The following DCC variants were observed in gnomAD, a reference collection of about 807,000 sequenced individuals.
DCC encodes the protein netrin receptor DCC.
Under a neutral mutation model 172.5 loss-of-function variants are expected in DCC, and 58 were observed. The ratio of observed to expected loss-of-function variants is 0.34; its 90% confidence interval spans 0.27 to 0.42. The LOEUF is 0.42. DCC is among the 10% of genes least tolerant of loss of function. The pLI is 1.00. For synonymous variants in DCC, 709 were observed against 644.5 expected, an observed-to-expected ratio of 1.10 and a Z score of -1.52; for missense variants, 1,740 against 1,791.0, an observed-to-expected ratio of 0.97 and a Z score of 0.51.
At chr18:52,719,858 A>G (rs2036446379) in intron 1 of DCC, among the ~76,000 whole-genome samples, 1 of 152,116 alleles carries the variant, frequency 6.6e-6, no homozygotes, top group Non-Finnish European at 1.5e-5. Context: ...TGGCTAGGAT[A>G]CAGTGAGCAA....
At chr18:52,377,142 T>G (rs1985382982) in intron 1 of DCC, among the ~76,000 whole-genome samples, 1 of 152,182 alleles carries the variant, frequency 6.6e-6, no homozygotes, top group Non-Finnish European at 1.5e-5. Flanking sequence ...AGTGCTTAAC[T>G]TCAGCTTTTT....
intron 5 of DCC, among the ~76,000 whole-genome samples, chr18:52,996,601 CTGA>C (rs2041483740): frequency 6.6e-6 from 1 of 151,952 alleles, no homozygotes; most frequent in Non-Finnish European, 1.5e-5. Flanking sequence ...GTTGCAGTCA[CTGA>C]TAATTGCTAT....
intron 14 of DCC, among the ~76,000 whole-genome samples, chr18:53,329,006 G>C (rs185644402): frequency 1.4e-4 from 21 of 152,284 alleles, no homozygotes; most frequent in African/African-American, 4.6e-4. Flanking sequence ...CAAAAGGAGA[G>C]TGTACATTCA....
intron 1 of DCC, among the ~76,000 whole-genome samples, chr18:52,483,612 G>A (rs1479089636): frequency 1.3e-5 from 2 of 152,006 alleles, no homozygotes; most frequent in Non-Finnish European, 2.9e-5. Context: ...TTTCATGTCA[G>A]ACCCTTTTTA....
At chr18:52,793,100 GGT>G (rs2037807465) in intron 2 of DCC, among the ~76,000 whole-genome samples, 1 of 152,178 alleles carries the variant, frequency 6.6e-6, no homozygotes, top group South Asian at 2.1e-4. Flanking sequence ...GGTTGGAGAA[GGT>G]GGTGTCTGAT....
intron 1 of DCC, among the ~76,000 whole-genome samples, chr18:52,716,334 T>G (rs951493819): frequency 1.9e-4 from 29 of 152,198 alleles, no homozygotes; most frequent in Admixed American, 1.9e-3. Context: ...GCAACACAAT[T>G]CTGAAACTGT....
chr18:52,893,661 T>C (rs2039685862), intron 2 of DCC, among the ~76,000 whole-genome samples: 1 of 152,164 alleles, frequency 6.6e-6, no homozygotes, highest in Non-Finnish European at 1.5e-5. Context: ...GAAGATTGAA[T>C]CATTTTCTGA....
intron 1 of DCC, among the ~76,000 whole-genome samples, chr18:52,636,844 A>C (rs531469236): frequency 6.6e-6 from 1 of 152,180 alleles, no homozygotes; most frequent in South Asian, 2.1e-4. Flanking sequence ...GGAAAGCGCC[A>C]CCTCCTGGCA....
intron 2 of DCC, among the ~76,000 whole-genome samples, chr18:52,766,736 G>A (rs145380537): frequency 6.1e-4 from 93 of 152,062 alleles, no homozygotes; most frequent in Non-Finnish European, 1.0e-3. Context: ...GATGAGATGC[G>A]GTGGGGCCAT....
At chr18:53,204,816 A>T (rs2055599718) in intron 9 of DCC, among the ~76,000 whole-genome samples, 1 of 152,142 alleles carries the variant, frequency 6.6e-6, no homozygotes, top group African/African-American at 2.4e-5. Flanking sequence ...CATAATATAC[A>T]AGTACTCCAA....
rs551777543 is a variant in DCC at position 53,257,395 on chromosome 18, C to G, written c.1911+41798C>G. 1.6e-4 allele frequency among the ~76,000 whole-genome samples: 25 copies of G among 152,312 alleles called. No homozygotes were observed. In the South Asian group the frequency reaches 4.8e-3, roughly 29 times the overall value. ...ATTTTGAGATACATCCCATCAATAACTAATTTATTGAGAATTTTTAGCATG... is the reference window on the plus strand; with the variant it reads ...ATTTTGAGATACATCCCATCAATAAGTAATTTATTGAGAATTTTTAGCATG... On this transcript the variant is annotated intron_variant, in intron 12 of 28. Coordinates refer to ENST00000442544, the MANE Select transcript of DCC (RefSeq NM_005215.4).
chr18:53,069,604 A>G (rs1176889898), intron 7 of DCC, among the ~76,000 whole-genome samples: 1 of 148,924 alleles, frequency 6.7e-6, no homozygotes, highest in African/African-American at 2.6e-5. Context: ...GAACTCACAG[A>G]ACTGCTCCAC....
At chr18:52,760,027 T>C (rs1340155361) in intron 2 of DCC, among the ~76,000 whole-genome samples, 1 of 152,188 alleles carries the variant, frequency 6.6e-6, no homozygotes, top group Admixed American at 6.5e-5. Flanking sequence ...TGTCTGCACC[T>C]CTGTATGATA....
intron 10 of DCC, among the ~76,000 whole-genome samples, chr18:53,206,765 A>C (rs1329407700): frequency 6.6e-6 from 1 of 150,628 alleles, no homozygotes; most frequent in East Asian, 1.9e-4. Context: ...TCAATAGTTA[A>C]ATCAAAAATT....
At chr18:52,873,430 G>C (rs2039353036) in intron 2 of DCC, among the ~76,000 whole-genome samples, 1 of 152,156 alleles carries the variant, frequency 6.6e-6, no homozygotes, top group South Asian at 2.1e-4. Flanking sequence ...CCTATGACAT[G>C]AAAATGGACT....
At chr18:53,434,273 C>T (rs1911805079) in intron 21 of DCC, among the ~76,000 whole-genome samples, 1 of 152,096 alleles carries the variant, frequency 6.6e-6, no homozygotes, top group Non-Finnish European at 1.5e-5. Context: ...ATTACCTATA[C>T]TCTGGTCTTT....
In DCC at chr18:52,413,819, G is replaced by A. The variant is rs1038359132; in HGVS notation, c.91+72941G>A. 3.3e-5 allele frequency among the ~76,000 whole-genome samples: 5 copies of A among 152,162 alleles called. No homozygotes were observed. In the South Asian group the frequency reaches 6.2e-4, roughly 19 times the overall value. ...CTGAGAGAAATGTTTGTGAGTTTCG[G>A]TGTCTTTTCTCTTTAGAAAAATACT... On this transcript the variant is annotated intron_variant, in intron 1 of 28. Coordinates refer to ENST00000442544, the MANE Select transcript of DCC (RefSeq NM_005215.4).
chr18:53,119,501 G>C (rs375986060), intron 7 of DCC, among the ~76,000 whole-genome samples: 1 of 151,768 alleles, frequency 6.6e-6, no homozygotes, highest in Admixed American at 6.6e-5. Flanking sequence ...GGCCACTCTT[G>C]TAGAAATTAG....
intron 7 of DCC, among the ~76,000 whole-genome samples, chr18:53,095,190 A>T (rs749439997): frequency 3.9e-4 from 60 of 152,324 alleles, no homozygotes; most frequent in Admixed American, 7.2e-4. Context: ...ATATAAATTT[A>T]TTCCAATTGT....
Sources: gnomAD v4.1 joint callset for allele counts (sites outside exome capture counted in the v4.1 genomes callset) on GRCh38, gnomAD v4.1.1 for gene constraint, MANE v1.5 for transcripts, NCBI Gene and HGNC (gene_info 2026-07-23, HGNC 2026-07-21) for gene names.